Variants in LRRC7 observed in about 807,000 individuals in gnomAD.
The protein encoded by LRRC7 is leucine rich repeat containing 7, also known as leucine-rich repeat-containing protein 7.
LRRC7 carries 23 observed loss-of-function variants against 175.7 expected under a neutral mutation model. The ratio of observed to expected loss-of-function variants is 0.13; its 90% confidence interval spans 0.09 to 0.19. The LOEUF is 0.19. Ranked by LOEUF, LRRC7 falls within the 10% of genes least tolerant of loss-of-function variation. The pLI, the probability that LRRC7 is intolerant of heterozygous loss-of-function variation, is 1.00. For missense variants in LRRC7, 1,354 were observed against 1,904.7 expected (o/e 0.71, Z 5.38); for synonymous variants, 685 against 680.9 (o/e 1.01, Z -0.09).
rs952772995 is a variant in LRRC7 at position 70,140,151 on chromosome 1, G to A, written c.*18264G>A. ...TGTGCTGGTTTTGGAAAGGTGAAAA[G>A]AAAATTGTTACATCAGGCTGCTTTT... On this transcript the variant is annotated 3_prime_UTR_variant, in exon 27 of 27. Transcript: ENST00000651989. The A allele has an allele frequency of 1.3e-5, 2 of 152,090 alleles. No homozygotes were observed. The highest frequency in any genetic ancestry group is 6.6e-5 in the Admixed American group (1 of 15,256). The allele number at this position is 152,090 out of a possible 1,614,324, so 9.4% of individuals were successfully genotyped here. A position where few individuals can be genotyped will look rare whatever the true frequency, so the allele number is the denominator to read the frequency against.
chr1:69,977,824 A>G (rs1652981605), intron 8 of LRRC7, among the ~76,000 whole-genome samples: 1 of 152,190 alleles, frequency 6.6e-6, no homozygotes, highest in Admixed American at 6.5e-5. Context: ...GGAATAGTGG[A>G]AAGTAAGCCT....
chr1:69,768,768 G>A (rs1454633573), intron 3 of LRRC7, among the ~76,000 whole-genome samples: 8 of 152,134 alleles, frequency 5.3e-5, no homozygotes, highest in Non-Finnish European at 1.5e-5. Flanking sequence ...GATGACATGG[G>A]ATAGTTTATG....
chr1:69,577,856 G>A (rs1316220049), intron 1 of LRRC7, among the ~76,000 whole-genome samples: 8 of 152,164 alleles, frequency 5.3e-5, no homozygotes, highest in Non-Finnish European at 7.4e-5. Flanking sequence ...TTGCCTTGGC[G>A]ATGCGGGCTC....
intron 8 of LRRC7, among the ~76,000 whole-genome samples, chr1:69,968,686 T>C (rs1006108327): frequency 5.9e-5 from 9 of 152,172 alleles, no homozygotes; most frequent in African/African-American, 2.2e-4. Flanking sequence ...CCAAGAGTTT[T>C]GTACCCAGCA....
chr1:69,780,369 G>A (rs1476879063), intron 3 of LRRC7, among the ~76,000 whole-genome samples: 5 of 152,110 alleles, frequency 3.3e-5, no homozygotes, highest in Non-Finnish European at 5.9e-5. Flanking sequence ...AGCTGTATAC[G>A]TGAGGAAGGG....
chr1:69,986,815 A>G (rs936315795), intron 10 of LRRC7, among the ~76,000 whole-genome samples: 3 of 152,232 alleles, frequency 2.0e-5, no homozygotes, highest in Non-Finnish European at 4.4e-5. Context: ...AGTAACATAT[A>G]AAAAGTATAA....
intron 7 of LRRC7, among the ~76,000 whole-genome samples, chr1:69,868,853 T>A (rs1685206272): frequency 6.6e-6 from 1 of 151,932 alleles, no homozygotes; most frequent in Non-Finnish European, 1.5e-5. Context: ...CTTCTCCCCA[T>A]GTCTTTACAT....
chr1:69,895,181 A>G lies in LRRC7; in HGVS notation c.648-36326A>G, dbSNP rs1645944909. Among the ~76,000 whole-genome samples the G allele has an allele frequency of 3.3e-5, 5 of 152,166 alleles. 1 individual carries two copies. The South Asian group carries it at 1.0e-3, about 32-fold the overall frequency. ...CAGGTGGCAGAGGTTGCAGTAAGCCAAGATTGCGCCATTGCACTCCAGCCT... is the reference window on the plus strand; with the variant it reads ...CAGGTGGCAGAGGTTGCAGTAAGCCGAGATTGCGCCATTGCACTCCAGCCT... On this transcript the variant is annotated intron_variant, in intron 7 of 26. Coordinates refer to ENST00000651989, the MANE Select transcript of LRRC7 (RefSeq NM_001370785.2).
intron 1 of LRRC7, among the ~76,000 whole-genome samples, chr1:69,597,925 G>A (rs1177021252): frequency 1.3e-5 from 2 of 152,148 alleles, no homozygotes; most frequent in East Asian, 3.8e-4. Context: ...ATAGAAAATA[G>A]GGAGAGTGGA....
intron 15 of LRRC7, 165 bp from the exon 16 acceptor site, chr1:70,020,840 A>C: frequency 8.8e-6 from 4 of 452,450 alleles, no homozygotes; most frequent in South Asian, 4.5e-5. Context: ...TATCAAGGGA[A>C]TTTTATTCTT....
intron 7 of LRRC7, among the ~76,000 whole-genome samples, chr1:69,918,350 A>C (rs1420499107): frequency 6.6e-6 from 1 of 152,228 alleles, no homozygotes; most frequent in Non-Finnish European, 1.5e-5. Flanking sequence ...TGAATGAATG[A>C]ATGATTGCTC....
chr1:69,895,977 G>A (rs1645967853), intron 7 of LRRC7, among the ~76,000 whole-genome samples: 1 of 152,138 alleles, frequency 6.6e-6, no homozygotes, highest in South Asian at 2.1e-4. Context: ...GATACAACGT[G>A]AGGCAAAATT....
At chr1:69,681,016 A>C (rs1387372947) in intron 2 of LRRC7, among the ~76,000 whole-genome samples, 1 of 152,128 alleles carries the variant, frequency 6.6e-6, no homozygotes, top group Non-Finnish European at 1.5e-5. Context: ...GTTTGAGGAT[A>C]ATAAGGCATT....
At chr1:69,718,288 G>C (rs1235936294) in intron 2 of LRRC7, among the ~76,000 whole-genome samples, 1 of 151,616 alleles carries the variant, frequency 6.6e-6, no homozygotes, top group Non-Finnish European at 1.5e-5. Context: ...GCCAGTCTCA[G>C]GAATGTGGTA....
chr1:70,108,754 C>CT, intron 26 of LRRC7, among the ~76,000 whole-genome samples: 1 of 152,198 alleles, frequency 6.6e-6, no homozygotes, highest in East Asian at 1.9e-4. Context: ...TGAAAAGAAC[C>CT]TTAGATCAGC....
chr1:70,118,698 GTTGT>G (rs1321891917), intron 26 of LRRC7, among the ~76,000 whole-genome samples: 6 of 152,096 alleles, frequency 3.9e-5, no homozygotes, highest in Non-Finnish European at 8.8e-5. Flanking sequence ...CCTCAGACAA[GTTGT>G]TTGGTCTCCT....
chr1:69,652,801 T>C (rs1656051820), intron 1 of LRRC7, among the ~76,000 whole-genome samples: 1 of 152,178 alleles, frequency 6.6e-6, no homozygotes, highest in African/African-American at 2.4e-5. Flanking sequence ...TATAGACCAA[T>C]GGAACAAAGA....
chr1:69,817,341 T>G (rs1036846078), intron 4 of LRRC7, among the ~76,000 whole-genome samples: 1 of 152,024 alleles, frequency 6.6e-6, no homozygotes, highest in Admixed American at 6.6e-5. Flanking sequence ...TCCAATTTCA[T>G]TCTTCTACCT....
intron 7 of LRRC7, among the ~76,000 whole-genome samples, chr1:69,851,455 G>A (rs1318689529): frequency 2.6e-5 from 4 of 152,058 alleles, no homozygotes; most frequent in African/African-American, 9.7e-5. Context: ...CAGAAGAGAA[G>A]GGAAATAATT....
Sources: allele counts gnomAD v4.1 joint callset (sites outside exome capture counted in the v4.1 genomes callset), GRCh38; gene constraint gnomAD v4.1.1; transcripts MANE v1.5; gene names NCBI Gene and HGNC (gene_info 2026-07-23, HGNC 2026-07-21).